DLGAP1: variants seen among roughly 807,000 people sequenced by gnomAD.
DLGAP1 encodes disks large-associated protein 1.
Under a neutral mutation model 90.8 loss-of-function variants are expected in DLGAP1, and 11 were observed. The observed-to-expected ratio is 0.12, with a 90% CI of 0.08 to 0.20. DLGAP1 has a LOEUF of 0.20. Among genes scored for constraint, DLGAP1 ranks in the 10% least tolerant of loss-of-function variants. DLGAP1 has a pLI of 1.00. For missense variants in DLGAP1, 1,050 were observed against 1,333.8 expected (o/e 0.79, Z 3.31); for synonymous variants, 558 against 540.7 (o/e 1.03, Z -0.44).
At chr18:3,561,262 AAAACAAAAAAAAAAAAAC>A (rs1294472588) in intron 9 of DLGAP1, among the ~76,000 whole-genome samples, 22 of 103,072 alleles carry the variant, frequency 2.1e-4, no homozygotes, top group Admixed American at 1.9e-3. Context: ...CTAAAAAAAA[AAAACAAAAAAAAAAAAAC>A]AAACAAAAAA....
At chr18:3,633,810 T>C (rs940270690) in intron 7 of DLGAP1, among the ~76,000 whole-genome samples, 1 of 152,238 alleles carries the variant, frequency 6.6e-6, no homozygotes, top group African/African-American at 2.4e-5. Context: ...AGTCCATTCA[T>C]GGAGTCAGTG....
intron 2 of DLGAP1, among the ~76,000 whole-genome samples, chr18:4,008,661 G>C (rs1276795083): frequency 3.3e-5 from 5 of 152,148 alleles, no homozygotes; most frequent in African/African-American, 7.2e-5. Context: ...TACAATGAAA[G>C]GCAGAAAAAC....
chr18:3,879,960 C>T lies in DLGAP1; in HGVS notation c.109G>A (p.Val37Met). 1 of 1,612,248 alleles carries T rather than the reference C, an allele frequency of 6.2e-7. No homozygotes were observed. The highest frequency in any genetic ancestry group is 1.1e-5 in the South Asian group (1 of 91,040). The change falls in exon 4 of 13, where the codon GTG (valine) becomes ATG (methionine). Residue 37 changes from valine to methionine, a missense_variant. Physicochemically the swap from Val to Met is conservative, Grantham distance 21. Around this residue, in one of 2 missense-constraint regions of DLGAP1, gnomAD observed 485 missense variants for 454.1 expected, o/e 1.07. Coordinates refer to ENST00000315677, the MANE Select transcript of DLGAP1 (RefSeq NM_004746.4). This position sits in a 1 kb window ranked among gnomAD's most constrained non-coding sequence, Gnocchi z 6.6. ...SDRKPYLLSP[V>M]EHHPADHPYY... ...GGGTGGTCTGCGGGGTGGTGCTCCA[C>T]TGGGCTCAGCAGGTAGGGCTTGCGG... is the stretch of plus-strand genomic sequence containing the variant.
At chr18:3,664,216 A>C (rs202191413) in intron 7 of DLGAP1, among the ~76,000 whole-genome samples, 2,800 of 89,874 alleles carry the variant, frequency 0.031, 88 homozygotes, top group African/African-American at 0.12. Context: ...ACACACACAC[A>C]CCCACACACA....
chr18:3,658,188 G>T (rs918884696), intron 7 of DLGAP1, among the ~76,000 whole-genome samples: 1 of 152,160 alleles, frequency 6.6e-6, no homozygotes, highest in Admixed American at 6.6e-5. Flanking sequence ...CACCATACGG[G>T]TATGGTAGAA....
At chr18:4,368,086 G>A (rs1303676704) in intron 1 of DLGAP1, among the ~76,000 whole-genome samples, 6 of 151,910 alleles carry the variant, frequency 3.9e-5, no homozygotes, top group Non-Finnish European at 8.8e-5. Flanking sequence ...CTATATTCAC[G>A]ATTCTAAGGA....
At chr18:4,193,561 T>C (rs1244161784) in intron 1 of DLGAP1, among the ~76,000 whole-genome samples, 1 of 152,178 alleles carries the variant, frequency 6.6e-6, no homozygotes, top group East Asian at 1.9e-4. Context: ...CATTTAACAA[T>C]ATAAAATGAA....
intron 3 of DLGAP1, among the ~76,000 whole-genome samples, chr18:3,961,943 A>G (rs2073207724): frequency 6.6e-6 from 1 of 152,208 alleles, no homozygotes; most frequent in Admixed American, 6.5e-5. Flanking sequence ...GGATGCTAAC[A>G]TGATTGACCA....
intron 7 of DLGAP1, among the ~76,000 whole-genome samples, chr18:3,584,644 C>G (rs2055765144): frequency 6.6e-6 from 1 of 152,124 alleles, no homozygotes; most frequent in African/African-American, 2.4e-5. Context: ...TGGGGAAAGA[C>G]AAGGTGCATG....
chr18:4,429,249 TTTAA>T (rs1273349233), intron 1 of DLGAP1, among the ~76,000 whole-genome samples: 1 of 152,202 alleles, frequency 6.6e-6, no homozygotes, highest in African/African-American at 2.4e-5. Flanking sequence ...TTGAACTTCA[TTTAA>T]TTAATTCGAC....
intron 9 of DLGAP1, among the ~76,000 whole-genome samples, chr18:3,556,252 A>G (rs927863350): frequency 1.3e-5 from 2 of 152,032 alleles, no homozygotes; most frequent in African/African-American, 4.8e-5. Context: ...CACATTTCAC[A>G]CTAGAGTGGC....
chr18:3,730,067 T>A (rs1481293083), intron 6 of DLGAP1, among the ~76,000 whole-genome samples: 2 of 152,206 alleles, frequency 1.3e-5, no homozygotes, highest in South Asian at 4.1e-4. Flanking sequence ...ATTTTCAAAC[T>A]ATTTACAAGT....
chr18:3,670,074 AG>A (rs1281682953), intron 7 of DLGAP1, among the ~76,000 whole-genome samples: 1 of 152,222 alleles, frequency 6.6e-6, no homozygotes, highest in African/African-American at 2.4e-5. Context: ...TTATAACGAT[AG>A]GAAAAGAGTA....
At chr18:4,119,574 C>T (rs745646801) in intron 2 of DLGAP1, among the ~76,000 whole-genome samples, 8 of 152,138 alleles carry the variant, frequency 5.3e-5, no homozygotes, top group Non-Finnish European at 7.4e-5. Context: ...TTTAGCAATA[C>T]GGAATACGGT....
intron 1 of DLGAP1, among the ~76,000 whole-genome samples, chr18:4,269,561 A>G (rs575754061): frequency 2.5e-4 from 38 of 151,904 alleles, no homozygotes; most frequent in South Asian, 8.3e-4. Flanking sequence ...TCACCGTGTT[A>G]GCCAGGATGG....
intron 7 of DLGAP1, among the ~76,000 whole-genome samples, chr18:3,661,255 T>C (rs1018919734): frequency 5.9e-5 from 9 of 152,174 alleles, no homozygotes; most frequent in Admixed American, 2.6e-4. Flanking sequence ...ATGTCACTTA[T>C]AGGTGAATAA....
At chr18:3,896,878 C>G (rs1489415443) in intron 3 of DLGAP1, 2 of 152,294 alleles carry the variant, frequency 1.3e-5, no homozygotes, top group East Asian at 3.9e-4. Flanking sequence ...CTTGAAGACC[C>G]TCATTCCAGA....
chr18:4,282,540 A>G (rs978338331), intron 1 of DLGAP1, among the ~76,000 whole-genome samples: 1 of 152,198 alleles, frequency 6.6e-6, no homozygotes, highest in African/African-American at 2.4e-5. Flanking sequence ...TCTTAAATAA[A>G]CATCAATTTC....
At chr18:4,143,102 C>T (rs1305873479) in intron 2 of DLGAP1, among the ~76,000 whole-genome samples, 4 of 152,070 alleles carry the variant, frequency 2.6e-5, no homozygotes, top group Admixed American at 1.3e-4. Flanking sequence ...ACCCAAGGCC[C>T]GCACTAACCA....
Sources: gnomAD v4.1 joint callset for allele counts (sites outside exome capture counted in the v4.1 genomes callset) on GRCh38, gnomAD v4.1.1 for gene constraint, gnomAD v4.1.1 regional missense constraint, Gnocchi (gnomAD v3.1) non-coding constraint, MANE v1.5 for transcripts, NCBI Gene and HGNC (gene_info 2026-07-23, HGNC 2026-07-21) for gene names.